STK33: variants seen among roughly 807,000 people sequenced by gnomAD.
The protein encoded by STK33 is serine/threonine-protein kinase 33.
A neutral mutation model predicts 58.0 loss-of-function variants in STK33; 52 were observed. The ratio of observed to expected loss-of-function variants is 0.90; its 90% CI spans 0.72 to 1.13. The LOEUF (loss-of-function observed/expected upper bound fraction) is 1.13. STK33 is among the 50% of genes most tolerant of loss of function. STK33 has a pLI of 0.00. For synonymous variants in STK33, 215 were observed against 200.1 expected, an observed-to-expected ratio of 1.07 and a Z score of -0.63; for missense variants, 630 against 604.2, an observed-to-expected ratio of 1.04 and a Z score of -0.45.
intron 1 of STK33, among the ~76,000 whole-genome samples, chr11:8,499,463 A>G (rs1008787354): frequency 6.6e-6 from 1 of 152,246 alleles, no homozygotes; most frequent in South Asian, 2.1e-4. Flanking sequence ...GCGCTGTTAC[A>G]CTGTTGGTGG....
At chr11:8,429,016 A>C (rs538468833) in intron 14 of STK33, among the ~76,000 whole-genome samples, 24 of 152,276 alleles carry the variant, frequency 1.6e-4, no homozygotes, top group Admixed American at 1.5e-3. Flanking sequence ...GATTAATAAA[A>C]TCCATTCAAG....
chr11:8,432,940 C>A (rs12363733), intron 14 of STK33, among the ~76,000 whole-genome samples: 1 of 152,020 alleles, frequency 6.6e-6, no homozygotes, highest in African/African-American at 2.4e-5. Flanking sequence ...AAAATGGAGA[C>A]TACTAGAAAA....
At chr11:8,366,578 T>G in the STK33 span, among the ~76,000 whole-genome samples, 1 of 152,156 alleles carries the variant, frequency 6.6e-6, no homozygotes, top group Non-Finnish European at 1.5e-5. Context: ...TTATCTCCCC[T>G]GGGTTCCCTT....
chr11:8,578,296 A>G (rs1232533628), intron 1 of STK33, among the ~76,000 whole-genome samples: 2 of 152,090 alleles, frequency 1.3e-5, no homozygotes, highest in African/African-American at 4.8e-5. Flanking sequence ...ACAAAATAAC[A>G]TAAATTAAAA....
rs772401625 is a variant in STK33 at position 8,454,749 on chromosome 11, TGTTTAA to T, written c.775_780del (p.Leu259_Asn260del). The T allele has an allele frequency of 8.3e-6, 13 of 1,571,444 alleles. No individual in the cohort carries two copies. The East Asian group carries it at 1.4e-4, about 17-fold the overall frequency. On this transcript the variant is annotated inframe_deletion, in exon 10 of 16. Coordinates refer to ENST00000687296, the MANE Select transcript of STK33 (RefSeq NM_001352389.2). ...ACCACCATTGCTAATCTTACCTTTATGTTTAAGTTTATTTCATTGTTATCATCAATA... is the reference window on the plus strand; with the variant it reads ...ACCACCATTGCTAATCTTACCTTTATGTTTATTTCATTGTTATCATCAATA...
intron 1 of STK33, among the ~76,000 whole-genome samples, chr11:8,513,566 A>G (rs1952515058): frequency 6.6e-6 from 1 of 152,300 alleles, no homozygotes; most frequent in South Asian, 2.1e-4. Context: ...GATCCAAACC[A>G]TCCCCTCACA....
At chr11:8,545,724 G>A (rs1475268302) in intron 1 of STK33, among the ~76,000 whole-genome samples, 1 of 152,120 alleles carries the variant, frequency 6.6e-6, no homozygotes. Context: ...GGTATGCCTA[G>A]AAATAACTTC....
chr11:8,389,536 A>G (rs911793492), downstream of STK33, among the ~76,000 whole-genome samples: 2 of 152,200 alleles, frequency 1.3e-5, no homozygotes, highest in Non-Finnish European at 2.9e-5. Flanking sequence ...AGCCAAGCAC[A>G]GCCATTATAG....
chr11:8,451,346 G>A (rs747410694), intron 11 of STK33, among the ~76,000 whole-genome samples: 13 of 152,080 alleles, frequency 8.5e-5, no homozygotes, highest in Non-Finnish European at 1.8e-4. Flanking sequence ...GTGCATCAGG[G>A]GTAAGTAGAT....
intron 1 of STK33, among the ~76,000 whole-genome samples, chr11:8,579,777 C>A (rs1958437569): frequency 6.6e-6 from 1 of 152,040 alleles, no homozygotes; most frequent in Non-Finnish European, 1.5e-5. Flanking sequence ...CCGTTTACAT[C>A]TAATAATCTG....
chr11:8,523,350 C>T (rs1239928438), intron 1 of STK33, among the ~76,000 whole-genome samples: 5 of 151,574 alleles, frequency 3.3e-5, no homozygotes, highest in South Asian at 2.1e-4. Context: ...AAGTGAGGAG[C>T]GTCTCTGCCC....
chr11:8,340,377 C>A, the STK33 span, among the ~76,000 whole-genome samples: 1 of 152,136 alleles, frequency 6.6e-6, no homozygotes, highest in Non-Finnish European at 1.5e-5. Context: ...ACCGATGTGT[C>A]CAAGTTCCTA....
intron 1 of STK33, among the ~76,000 whole-genome samples, chr11:8,506,138 T>C (rs766567290): frequency 3.3e-5 from 5 of 152,210 alleles, no homozygotes; most frequent in Admixed American, 6.5e-5. Context: ...ACAATCTCCG[T>C]AAATTCAACT....
intron 15 of STK33, among the ~76,000 whole-genome samples, chr11:8,402,973 G>A (rs1488216916): frequency 6.6e-6 from 1 of 152,152 alleles, no homozygotes; most frequent in Non-Finnish European, 1.5e-5. Context: ...ACAGAGAAAT[G>A]AAAAATGAAA....
rs1004216778 is a variant in STK33 at position 8,581,354 on chromosome 11, T to TA, written c.-466+12728dup. Among the ~76,000 whole-genome samples, 27 of 151,886 alleles carry TA rather than the reference T, an allele frequency of 1.8e-4. No homozygotes were observed. In the East Asian group the frequency reaches 3.5e-3, roughly 20 times the overall value. ...CAACATAGTGAGACCCCCATATATA[T>TA]AAAAAAAATAGCCAGGCATGGTGGT... On this transcript the variant is annotated intron_variant, in intron 1 of 15. Transcript: ENST00000687296.
intron 1 of STK33, among the ~76,000 whole-genome samples, chr11:8,487,011 A>C (rs78011972): frequency 7.2e-5 from 11 of 152,336 alleles, no homozygotes; most frequent in African/African-American, 2.6e-4. Context: ...TAACCAGTTC[A>C]GTTTGGGATG....
intron 1 of STK33, among the ~76,000 whole-genome samples, chr11:8,548,446 T>C (rs774899073): frequency 1.2e-4 from 19 of 152,244 alleles, no homozygotes; most frequent in Non-Finnish European, 2.6e-4. Context: ...CTGAGTTCTC[T>C]ATTCTGTTCC....
chr11:8,434,474 T>C (rs1410157270), intron 14 of STK33, among the ~76,000 whole-genome samples: 1 of 152,128 alleles, frequency 6.6e-6, no homozygotes, highest in Non-Finnish European at 1.5e-5. Context: ...TACTGAATCA[T>C]TCACTCATTC....
chr11:8,577,057 T>C (rs1161325533), intron 1 of STK33, among the ~76,000 whole-genome samples: 4 of 152,152 alleles, frequency 2.6e-5, no homozygotes, highest in African/African-American at 9.7e-5. Context: ...GCCAGGAAGA[T>C]TCATTTAGAA....
Sources: gnomAD v4.1 joint callset for allele counts (sites outside exome capture counted in the v4.1 genomes callset) on GRCh38, gnomAD v4.1.1 for gene constraint, MANE v1.5 for transcripts, NCBI Gene and HGNC (gene_info 2026-07-23, HGNC 2026-07-21) for gene names.